GDPD5: variants seen among roughly 807,000 people sequenced by gnomAD.
GDPD5 encodes the protein glycerophosphodiester phosphodiesterase domain containing 5.
GDPD5 carries 48 observed loss-of-function variants against 75.1 expected under a neutral mutation model. The ratio of observed to expected loss-of-function variants is 0.64; its 90% CI spans 0.51 to 0.81. GDPD5 has a LOEUF of 0.81. Among genes scored for constraint, GDPD5 ranks in the 40% least tolerant of loss-of-function variants. The pLI is 0.00. For synonymous variants in GDPD5, 336 were observed against 339.0 expected (o/e 0.99, Z 0.10); for missense variants, 706 against 822.6 (o/e 0.86, Z 1.73).
chr11:75,515,438 A>T (rs1329202971), intron 1 of GDPD5, among the ~76,000 whole-genome samples: 2 of 152,148 alleles, frequency 1.3e-5, no homozygotes, highest in South Asian at 2.1e-4. Context: ...TCCCCATCAC[A>T]AGGCCTGGCA....
rs1188471660 is a variant in GDPD5, at chr11:75,457,791, C to T, written c.222-5G>A. 1 of 1,613,108 alleles carries T rather than the reference C, an allele frequency of 6.2e-7. No individual in the cohort carries two copies. Among genetic ancestry groups the T allele is most frequent in the African/African-American group, 1.3e-5 (1 of 74,886 alleles). ...CCCATGCGGTTGTAGAGGTACCTGC[C>T]AGGAGGAGAGGGGGCAGGGGTCAGA... On this transcript the variant is annotated splice_polypyrimidine_tract_variant and splice_region_variant and intron_variant, in intron 4 of 16. Transcript: ENST00000336898.
intron 6 of GDPD5, among the ~76,000 whole-genome samples, chr11:75,454,829 AT>A (rs1949249716): frequency 6.6e-6 from 1 of 152,230 alleles, no homozygotes; most frequent in Non-Finnish European, 1.5e-5. Flanking sequence ...TGCTTTTTGT[AT>A]TTTGAATCAT....
At chr11:75,491,307 T>C (rs1950104107) in intron 1 of GDPD5, among the ~76,000 whole-genome samples, 1 of 152,202 alleles carries the variant, frequency 6.6e-6, no homozygotes. Context: ...CTTTACAGTT[T>C]ATTAAACATA....
intron 1 of GDPD5, among the ~76,000 whole-genome samples, chr11:75,502,200 C>G (rs1364759652): frequency 6.6e-6 from 1 of 152,222 alleles, no homozygotes; most frequent in Non-Finnish European, 1.5e-5. Context: ...TCAGGGCAGC[C>G]CTGCCACCTG....
chr11:75,489,182 A>G (rs1214498164), intron 2 of GDPD5, among the ~76,000 whole-genome samples: 1 of 27,736 alleles, frequency 3.6e-5, no homozygotes, highest in Non-Finnish European at 1.2e-4. Context: ...AAAAAATTAC[A>G]AAAAAAAGAC....
chr11:75,449,506 G>C lies in GDPD5; in HGVS notation c.568+11C>G, dbSNP rs368915669. On this transcript the variant is annotated intron_variant, in intron 8 of 16. Transcript: ENST00000336898. ...GGATTGGAGGGGCAGGCCCTTCACA[G>C]TTCTACTCACAGGTCCGCTCTGCGC... The C allele has an allele frequency of 3.8e-6, 6 of 1,560,418 alleles. No homozygotes were observed. The African/African-American group carries it at 6.8e-5, about 18-fold the overall frequency.
chr11:75,489,980 C>T (rs1455501647), intron 2 of GDPD5, among the ~76,000 whole-genome samples: 1 of 152,152 alleles, frequency 6.6e-6, no homozygotes, highest in Non-Finnish European at 1.5e-5. Flanking sequence ...ACCTCAGCTT[C>T]CTTATCTATA....
intron 10 of GDPD5, among the ~76,000 whole-genome samples, chr11:75,444,044 T>A (rs1565183356): frequency 6.6e-6 from 1 of 152,224 alleles, no homozygotes; most frequent in South Asian, 2.1e-4. Context: ...TCTACTTATA[T>A]ATGTACATGG....
intron 1 of GDPD5, among the ~76,000 whole-genome samples, chr11:75,504,795 A>G (rs1473880547): frequency 6.6e-6 from 1 of 152,162 alleles, no homozygotes; most frequent in African/African-American, 2.4e-5. Flanking sequence ...ACGATGGTGC[A>G]TTTTATGTTT....
At chr11:75,464,405 T>A (rs990420643) in intron 3 of GDPD5, among the ~76,000 whole-genome samples, 3 of 152,220 alleles carry the variant, frequency 2.0e-5, no homozygotes, top group African/African-American at 7.2e-5. Flanking sequence ...TGACATCCTC[T>A]GCCTCTCCAG....
intron 1 of GDPD5, among the ~76,000 whole-genome samples, chr11:75,518,280 T>G (rs1412821362): frequency 6.6e-6 from 1 of 152,154 alleles, no homozygotes; most frequent in Non-Finnish European, 1.5e-5. Context: ...CCAGGTTAAC[T>G]GGATTACCAA....
chr11:75,492,063 CAG>C (rs1426046375), intron 1 of GDPD5, among the ~76,000 whole-genome samples: 1 of 152,338 alleles, frequency 6.6e-6, no homozygotes, highest in South Asian at 2.1e-4. Flanking sequence ...GAAAGTACCG[CAG>C]AGTCTCCCCA....
chr11:75,504,215 A>C (rs1290553601), intron 1 of GDPD5, among the ~76,000 whole-genome samples: 1 of 152,194 alleles, frequency 6.6e-6, no homozygotes, highest in Admixed American at 6.5e-5. Context: ...AATGAATCCC[A>C]CCTACTACTC....
intron 1 of GDPD5, among the ~76,000 whole-genome samples, chr11:75,496,767 T>TTTTC (rs200451435): frequency 0.027 from 3,474 of 128,858 alleles, 559 homozygotes; most frequent in Middle Eastern, 0.078. Flanking sequence ...TTTTTTTTTC[T>TTTTC]TTTCTTTCTT....
chr11:75,470,988 C>A (rs911857216), intron 3 of GDPD5, among the ~76,000 whole-genome samples: 1 of 152,196 alleles, frequency 6.6e-6, no homozygotes, highest in African/African-American at 2.4e-5. Flanking sequence ...TCCAGCTCTT[C>A]TTTGAGGTCC....
intron 14 of GDPD5, 120 bp downstream of exon 14, chr11:75,441,043 T>C (rs1456607855): frequency 3.1e-6 from 3 of 965,858 alleles, no homozygotes; most frequent in Non-Finnish European, 4.7e-6. Flanking sequence ...CACCATGGAC[T>C]CCCCACCATG....
chr11:75,477,619 C>CG lies in GDPD5; in HGVS notation c.116dup (p.Trp40ValfsTer29). On this transcript the variant is annotated frameshift_variant and splice_region_variant, in exon 3 of 17. Coordinates refer to ENST00000336898, the MANE Select transcript of GDPD5 (RefSeq NM_030792.8). LOFTEE classifies it high-confidence loss of function. Reference sequence around the variant, plus strand: ...CTGACCCTGTTCCAGGGTGGCTCACCGGTGTGGTATCATCATGGGAGCGCT... The same window carrying CG: ...CTGACCCTGTTCCAGGGTGGCTCACCGGGTGTGGTATCATCATGGGAGCGCT... The CG allele has an allele frequency of 6.4e-7, 1 of 1,566,856 alleles. No homozygotes were observed. The highest frequency in any genetic ancestry group is 8.7e-7 in the Non-Finnish European group (1 of 1,147,746).
intron 2 of GDPD5, among the ~76,000 whole-genome samples, chr11:75,483,492 G>A (rs995057373): frequency 1.3e-5 from 2 of 152,054 alleles, no homozygotes; most frequent in African/African-American, 4.8e-5. Flanking sequence ...CCCACGCTGT[G>A]CCCCCCAGAC....
intron 1 of GDPD5, among the ~76,000 whole-genome samples, chr11:75,493,229 TCACACACACACACA>T (rs71036055): frequency 1.4e-5 from 2 of 140,906 alleles, no homozygotes; most frequent in Non-Finnish European, 1.5e-5. Flanking sequence ...CCCACACATC[TCACACACACACACA>T]CACACACACA....
Sources: allele counts gnomAD v4.1 joint callset (sites outside exome capture counted in the v4.1 genomes callset), GRCh38; gene constraint gnomAD v4.1.1; transcripts MANE v1.5; gene names NCBI Gene and HGNC (gene_info 2026-07-23, HGNC 2026-07-21).